Variants in CFHR5 observed in about 807,000 individuals in gnomAD.
The protein encoded by CFHR5 is complement factor H related 5, also known as complement factor H-related protein 5.
CFHR5 carries 73 observed loss-of-function variants against 62.9 expected under a neutral mutation model. The observed-to-expected ratio is 1.16, with a 90% CI of 0.96 to 1.41. The LOEUF (loss-of-function observed/expected upper bound fraction) is 1.41, where lower values mean the gene tolerates loss of function less well. CFHR5 is among the 40% of genes most tolerant of loss of function. The pLI is 0.00. For missense variants in CFHR5, 779 were observed against 679.9 expected (o/e 1.15, Z -1.62); for synonymous variants, 249 against 227.2 (o/e 1.10, Z -0.86).
rs1404587493 is a variant in CFHR5, at chr1:196,979,248, G to GTAAT, written c.58+1528_58+1531dup. 7.3e-5 allele frequency among the ~76,000 whole-genome samples: 9 copies of GTAAT among 122,868 alleles called. No individual in the cohort carries two copies. In the Admixed American group the frequency reaches 8.1e-4, roughly 11 times the overall value. The allele number at this position is 122,868 out of a possible 152,430, so 80.6% of individuals were successfully genotyped here. On this transcript the variant is annotated intron_variant, in intron 1 of 9. Coordinates refer to ENST00000256785, the MANE Select transcript of CFHR5 (RefSeq NM_030787.4). ...ATAAATTGCAAGGTTTTATATATAG[G>GTAAT]TAATTGTCTGTGTGTGTGTGTGTGT...
chr1:196,993,552 C>T (rs1190503433), intron 3 of CFHR5, among the ~76,000 whole-genome samples: 1 of 152,136 alleles, frequency 6.6e-6, no homozygotes, highest in Non-Finnish European at 1.5e-5. Context: ...CCACCTTGGC[C>T]TCCCAAAGTG....
chr1:196,996,135 G>A lies in CFHR5; in HGVS notation c.904G>A (p.Ala302Thr), dbSNP rs1653985632. Residue 302 changes from alanine to threonine, a missense_variant, in exon 6 of 10, where the codon GCA becomes ACA. Physicochemically the swap from Ala to Thr is moderately conservative, Grantham distance 58. Coordinates refer to ENST00000256785, the MANE Select transcript of CFHR5 (RefSeq NM_030787.4). ...CGAGGTGAATTGCAGAAATGAATAT[G>A]CAATGATTGGAAATAACATGATTAC... ...SVEVNCRNEY[A>T]MIGNNMITCI... The A allele has an allele frequency of 1.2e-6, 2 of 1,613,226 alleles. No homozygotes were observed. Among genetic ancestry groups the A allele is most frequent in the Non-Finnish European group, 1.7e-6 (2 of 1,179,288 alleles).
Position 197,009,323 on chromosome 1 carries a change from G to A in CFHR5, c.*640G>A, listed in dbSNP as rs1654377001. ...TTTCGGGGACACATTCAAACCACAG[G>A]AGAAACTCAAATTGTTCCTGGGCAA... is the stretch of plus-strand genomic sequence containing the variant. On this transcript the variant is annotated 3_prime_UTR_variant, in exon 10 of 10. Coordinates refer to ENST00000256785, the MANE Select transcript of CFHR5 (RefSeq NM_030787.4). 6.6e-6 allele frequency: 1 copy of A among 152,168 alleles called. No homozygotes were observed. Among genetic ancestry groups the A allele is most frequent in the Admixed American group, 6.5e-5 (1 of 15,276 alleles). 9.4% of individuals were successfully genotyped at this position (152,168 alleles called of 1,614,324 possible). A position where few individuals can be genotyped will look rare whatever the true frequency, so the allele number is the denominator to read the frequency against.
At chr1:196,990,024 T>G (rs764946856) in intron 3 of CFHR5, among the ~76,000 whole-genome samples, 2 of 152,184 alleles carry the variant, frequency 1.3e-5, no homozygotes, top group Non-Finnish European at 2.9e-5. Context: ...CGTAGGTCTC[T>G]AAGGACTGGC....
rs1653428783 is a variant in CFHR5, at chr1:196,977,604, T to C, written c.-61T>C. ...GCTTGTAACTGTTAATGAAAGCAGA[T>C]TTAAAGCAACACCACCATCACTGGA... On this transcript the variant is annotated 5_prime_UTR_variant, in exon 1 of 10. Coordinates refer to ENST00000256785, the MANE Select transcript of CFHR5 (RefSeq NM_030787.4). 4 of 1,342,374 alleles carry C rather than the reference T, an allele frequency of 3.0e-6. No homozygotes were observed. The highest frequency in any genetic ancestry group is 4.3e-6 in the Non-Finnish European group (4 of 933,078). 83.2% of individuals were successfully genotyped at this position (1,342,374 alleles called of 1,614,324 possible). A position where few individuals can be genotyped will look rare whatever the true frequency, so the allele number is the denominator to read the frequency against.
In CFHR5 at chr1:196,995,792, G is replaced by C. The variant is rs377160543; in HGVS notation, c.683G>C (p.Gly228Ala). 4.9e-5 allele frequency: 79 copies of C among 1,612,554 alleles called. No individual in the cohort carries two copies. Among genetic ancestry groups the C allele is most frequent in the Non-Finnish European group, 6.4e-5 (75 of 1,178,888 alleles). ...EVKEIRKEEYGHNEVVEYDCN... is the reference protein window; with the variant it reads ...EVKEIRKEEYAHNEVVEYDCN... ...AAGGAGATAAGAAAAGAGGAATATG[G>C]ACACAATGAAGTAGTGGAATATGAT... Residue 228 changes from glycine to alanine, a missense_variant, in exon 5 of 10, where the codon GGA (glycine) becomes GCA (alanine). Gly to Ala is a moderately conservative substitution (Grantham distance 60, BLOSUM62 0). Transcript: ENST00000256785.
chr1:197,002,760 G>C, intron 8 of CFHR5, 96 bp downstream of exon 8: 1 of 1,013,972 alleles, frequency 9.9e-7, no homozygotes. Context: ...TGACTAATCT[G>C]TTGCACTGTA....
chr1:197,008,151 C>T (rs1446610761), intron 9 of CFHR5, among the ~76,000 whole-genome samples: 1 of 150,988 alleles, frequency 6.6e-6, no homozygotes, highest in African/African-American at 2.4e-5. Context: ...GATATCTAAA[C>T]AAACAACATT....
intron 7 of CFHR5, among the ~76,000 whole-genome samples, chr1:196,999,366 T>C (rs571379570): frequency 2.0e-3 from 297 of 151,932 alleles, no homozygotes; most frequent in African/African-American, 6.9e-3. Context: ...TATGTGTCCA[T>C]GAAATGTTTA....
intron 3 of CFHR5, among the ~76,000 whole-genome samples, chr1:196,990,271 C>T (rs957947694): frequency 2.6e-5 from 4 of 151,856 alleles, no homozygotes; most frequent in East Asian, 3.9e-4. Flanking sequence ...TGTCTCTGCA[C>T]GTGAGATAGG....
intron 4 of CFHR5, among the ~76,000 whole-genome samples, chr1:196,994,797 T>C (rs2125034062): frequency 6.6e-6 from 1 of 152,218 alleles, no homozygotes; most frequent in East Asian, 1.9e-4. Flanking sequence ...GACTCACAGT[T>C]TCACGTGGCT....
rs369954782 is a variant in CFHR5, at chr1:196,994,067, A to G, written c.431-13A>G. 1 of 1,602,992 alleles carries G rather than the reference A, an allele frequency of 6.2e-7. No individual in the cohort carries two copies. The highest frequency in any genetic ancestry group is 8.5e-7 in the Non-Finnish European group (1 of 1,170,800). On this transcript the variant is annotated splice_polypyrimidine_tract_variant and intron_variant, in intron 3 of 9. Transcript: ENST00000256785. Reference sequence around the variant, plus strand: ...ATGAAAATTCACATATGTTCATTTAATTTTATTTTTAGAAGGAGAATGTCA... The same window carrying G: ...ATGAAAATTCACATATGTTCATTTAGTTTTATTTTTAGAAGGAGAATGTCA...
intron 3 of CFHR5, among the ~76,000 whole-genome samples, chr1:196,986,557 C>T (rs1297005619): frequency 6.6e-6 from 1 of 152,042 alleles, no homozygotes; most frequent in East Asian, 1.9e-4. Flanking sequence ...TGTGATGTTC[C>T]CCACCCTGTG....
chr1:197,006,126 A>T (rs1315307984), intron 9 of CFHR5, among the ~76,000 whole-genome samples: 2 of 152,202 alleles, frequency 1.3e-5, no homozygotes, highest in Admixed American at 6.5e-5. Context: ...CGCAGAAATT[A>T]TCATGGCCAG....
intron 2 of CFHR5, among the ~76,000 whole-genome samples, chr1:196,983,338 A>C (rs1653592675): frequency 6.6e-6 from 1 of 152,212 alleles, no homozygotes; most frequent in Non-Finnish European, 1.5e-5. Flanking sequence ...AATATATTTG[A>C]CTGCTAATAG....
At chr1:196,979,592 A>T (rs1653484916) in intron 1 of CFHR5, among the ~76,000 whole-genome samples, 2 of 152,184 alleles carry the variant, frequency 1.3e-5, no homozygotes, top group Admixed American at 6.5e-5. Context: ...CTTACCGTCA[A>T]TAGGGTTTGC....
At chr1:196,980,012 A>ATATT (rs377588505) in intron 1 of CFHR5, among the ~76,000 whole-genome samples, 2,032 of 152,066 alleles carry the variant, frequency 0.013, 35 homozygotes, top group African/African-American at 0.044. Flanking sequence ...TATCTTTTAA[A>ATATT]TTATTTATTT....
chr1:197,006,394 T>A (rs1223833050), intron 9 of CFHR5, among the ~76,000 whole-genome samples: 2 of 150,188 alleles, frequency 1.3e-5, no homozygotes, highest in Non-Finnish European at 2.9e-5. Context: ...GATAGGAGAT[T>A]AAGATTAGAC....
chr1:196,984,661 T>C (rs1653634915), intron 3 of CFHR5, among the ~76,000 whole-genome samples: 1 of 152,214 alleles, frequency 6.6e-6, no homozygotes, highest in Admixed American at 6.5e-5. Context: ...CTCACAGTCC[T>C]GTGTGAACTC....
Sources: allele counts gnomAD v4.1 joint callset (sites outside exome capture counted in the v4.1 genomes callset), GRCh38; gene constraint gnomAD v4.1.1; transcripts MANE v1.5; gene names NCBI Gene and HGNC (gene_info 2026-07-23, HGNC 2026-07-21).